Variants in ARHGAP10 observed in about 807,000 individuals in gnomAD.
The protein encoded by ARHGAP10 is rho GTPase-activating protein 10.
A neutral mutation model predicts 108.6 loss-of-function variants in ARHGAP10; 87 were observed. The ratio of observed to expected loss-of-function variants is 0.80; its 90% CI spans 0.67 to 0.96. ARHGAP10 has a LOEUF of 0.96. Ranked by LOEUF, ARHGAP10 falls within the 40% of genes least tolerant of loss-of-function variation. The probability of loss-of-function intolerance (pLI) is 0.00; values close to 1 mark genes in which losing one functional copy is unlikely to be tolerated. For synonymous variants in ARHGAP10, 347 were observed against 341.1 expected (o/e 1.02, Z -0.19); for missense variants, 939 against 954.5 (o/e 0.98, Z 0.21).
At chr4:147,841,266 G>A (rs182247582) in intron 3 of ARHGAP10, among the ~76,000 whole-genome samples, 1 of 152,348 alleles carries the variant, frequency 6.6e-6, no homozygotes, top group Non-Finnish European at 1.5e-5. Flanking sequence ...AGGCTCACTA[G>A]CCAAGGCATT....
chr4:147,984,391 T>C (rs906070882), intron 18 of ARHGAP10, among the ~76,000 whole-genome samples: 1 of 151,950 alleles, frequency 6.6e-6, no homozygotes, highest in Admixed American at 6.6e-5. Context: ...GGGAAGGGAG[T>C]ATGAGACGAC....
At chr4:148,017,682 A>ATATATGTG (rs1437383455) in intron 18 of ARHGAP10, among the ~76,000 whole-genome samples, 15 of 135,260 alleles carry the variant, frequency 1.1e-4, no homozygotes, top group Admixed American at 8.0e-4. Context: ...ATATATATAT[A>ATATATGTG]TGTGTGTGTA....
At chr4:148,057,272 C>T (rs1376807619) in intron 20 of ARHGAP10, among the ~76,000 whole-genome samples, 1 of 152,188 alleles carries the variant, frequency 6.6e-6, no homozygotes, top group African/African-American at 2.4e-5. Context: ...AATTTGCATG[C>T]GTACAATCCT....
chr4:147,741,907 T>C (rs1182910835), intron 1 of ARHGAP10, among the ~76,000 whole-genome samples: 1 of 152,052 alleles, frequency 6.6e-6, no homozygotes, highest in East Asian at 1.9e-4. Flanking sequence ...GTTGCTGCCA[T>C]AGCTAGGCCT....
intron 17 of ARHGAP10, among the ~76,000 whole-genome samples, chr4:147,966,000 C>A (rs1043480848): frequency 3.1e-4 from 47 of 152,280 alleles, no homozygotes; most frequent in African/African-American, 1.1e-3. Context: ...TGAATTGAGA[C>A]CTGAATTAAG....
chr4:147,881,960 T>C, intron 10 of ARHGAP10, 28 bp downstream of exon 10: 1 of 1,594,374 alleles, frequency 6.3e-7, no homozygotes, highest in Non-Finnish European at 8.5e-7. Flanking sequence ...TTGGACATGG[T>C]GAAAGAGTCG....
At chr4:148,059,563 T>C (rs1274711848) in intron 20 of ARHGAP10, among the ~76,000 whole-genome samples, 2 of 152,190 alleles carry the variant, frequency 1.3e-5, no homozygotes, top group Non-Finnish European at 2.9e-5. Flanking sequence ...TTAATTATTA[T>C]TTCACTAATC....
intron 18 of ARHGAP10, among the ~76,000 whole-genome samples, chr4:147,986,081 G>A (rs961381885): frequency 6.6e-6 from 1 of 152,204 alleles, no homozygotes; most frequent in Non-Finnish European, 1.5e-5. Context: ...AAGTGGCTGA[G>A]GTATGCGGAA....
intron 1 of ARHGAP10, among the ~76,000 whole-genome samples, chr4:147,748,865 GGGA>G (rs1560737392): frequency 6.6e-6 from 1 of 152,046 alleles, no homozygotes; most frequent in East Asian, 1.9e-4. Context: ...AGGCTGAGGT[GGGA>G]GGATTGCTTG....
intron 1 of ARHGAP10, among the ~76,000 whole-genome samples, chr4:147,774,658 T>G (rs1730214612): frequency 6.6e-6 from 1 of 152,216 alleles, no homozygotes; most frequent in Admixed American, 6.5e-5. Flanking sequence ...AAGCTTCTTG[T>G]GTGTTGTGGA....
At chr4:148,012,929 T>G (rs1262636998) in intron 18 of ARHGAP10, among the ~76,000 whole-genome samples, 2 of 151,912 alleles carry the variant, frequency 1.3e-5, no homozygotes, top group East Asian at 1.9e-4. Context: ...GTCTGGTTTT[T>G]TTTTTTTTTT....
In ARHGAP10 at chr4:147,932,052, CAT is replaced by C. The variant is rs555359314; in HGVS notation, c.1229-7770_1229-7769del. On this transcript the variant is annotated intron_variant, in intron 13 of 22. Coordinates refer to ENST00000336498, the MANE Select transcript of ARHGAP10 (RefSeq NM_024605.4). ...ACAAGACATACATGTGACCAACAAA[CAT>C]ATGAAAAAAAAGTTCAACATCATTA... 1.8e-3 allele frequency among the ~76,000 whole-genome samples: 272 copies of C among 151,982 alleles called. 1 individual carries two copies. Among genetic ancestry groups the C allele is most frequent in the African/African-American group, 5.5e-3 (229 of 41,438 alleles).
chr4:147,821,178 T>G (rs1465335122), intron 1 of ARHGAP10, among the ~76,000 whole-genome samples: 1 of 152,134 alleles, frequency 6.6e-6, no homozygotes, highest in African/African-American at 2.4e-5. Context: ...GAGGGTTCCA[T>G]GAGAGTGGAG....
chr4:147,769,617 C>T (rs1395049715), intron 1 of ARHGAP10, among the ~76,000 whole-genome samples: 1 of 152,102 alleles, frequency 6.6e-6, no homozygotes, highest in East Asian at 1.9e-4. Flanking sequence ...TCCACAAAAC[C>T]CTCTTGAATC....
At chr4:147,805,396 A>G (rs1731742388) in intron 1 of ARHGAP10, among the ~76,000 whole-genome samples, 1 of 152,220 alleles carries the variant, frequency 6.6e-6, no homozygotes, top group African/African-American at 2.4e-5. Flanking sequence ...ATTTGAAGTC[A>G]GGAAATGTGA....
At chr4:148,016,629 G>A (rs1428043269) in intron 18 of ARHGAP10, among the ~76,000 whole-genome samples, 1 of 152,154 alleles carries the variant, frequency 6.6e-6, no homozygotes, top group Non-Finnish European at 1.5e-5. Flanking sequence ...CACCAAGCAA[G>A]CAGTCAGCTC....
chr4:148,059,537 A>C (rs756053152), intron 20 of ARHGAP10, among the ~76,000 whole-genome samples: 1 of 152,118 alleles, frequency 6.6e-6, no homozygotes, highest in Non-Finnish European at 1.5e-5. Flanking sequence ...ATTATGTTCT[A>C]GCACATAATG....
rs76530427 is a variant in ARHGAP10, at chr4:147,945,339, G to A, written c.1304-1278G>A. On this transcript the variant is annotated intron_variant, in intron 14 of 22. Transcript: ENST00000336498. Reference sequence around the variant, plus strand: ...ACCTTTTCTTTAGAACTTACTAGCCGTTTTGAATTTTCTTCTTTTACTTTA... The same window carrying A: ...ACCTTTTCTTTAGAACTTACTAGCCATTTTGAATTTTCTTCTTTTACTTTA... Among the ~76,000 whole-genome samples the A allele has an allele frequency of 8.6e-3, 1,298 of 151,022 alleles. 16 individuals carry two copies. The highest frequency in any genetic ancestry group is 0.015 in the Non-Finnish European group (1,028 of 67,862).
intron 13 of ARHGAP10, among the ~76,000 whole-genome samples, chr4:147,938,391 A>G (rs936514160): frequency 3.3e-5 from 5 of 152,246 alleles, no homozygotes; most frequent in African/African-American, 1.2e-4. Flanking sequence ...ATATGTAACT[A>G]TAATTTTTAA....
Sources: gnomAD v4.1 joint callset for allele counts (sites outside exome capture counted in the v4.1 genomes callset) on GRCh38, gnomAD v4.1.1 for gene constraint, MANE v1.5 for transcripts, NCBI Gene and HGNC (gene_info 2026-07-23, HGNC 2026-07-21) for gene names.